Variants in MDGA2 observed in about 807,000 individuals in gnomAD.
The protein encoded by MDGA2 is MAM domain containing glycosylphosphatidylinositol anchor 2.
A neutral mutation model predicts 117.8 loss-of-function variants in MDGA2; 40 were observed. The ratio of observed to expected loss-of-function variants is 0.34; its 90% CI spans 0.26 to 0.44. MDGA2 has a LOEUF of 0.44. Ranked by LOEUF, MDGA2 falls within the 20% of genes least tolerant of loss-of-function variation. The probability of loss-of-function intolerance (pLI) is 1.00; values close to 1 mark genes in which losing one functional copy is unlikely to be tolerated. For synonymous variants in MDGA2, 452 were observed against 439.0 expected, an observed-to-expected ratio of 1.03 and a Z score of -0.37; for missense variants, 1,123 against 1,250.6, an observed-to-expected ratio of 0.90 and a Z score of 1.54.
At chr14:47,051,319 A>G (rs1889450592) in intron 7 of MDGA2, among the ~76,000 whole-genome samples, 1 of 151,928 alleles carries the variant, frequency 6.6e-6, no homozygotes, top group South Asian at 2.1e-4. Flanking sequence ...AAATTGTTTT[A>G]TGAAACAAAT....
chr14:47,500,496 T>G (rs1894377748), intron 1 of MDGA2, among the ~76,000 whole-genome samples: 1 of 152,092 alleles, frequency 6.6e-6, no homozygotes, highest in South Asian at 2.1e-4. Context: ...AAGTTTGTGG[T>G]ATCCAAATAC....
chr14:47,356,958 G>A (rs1350672865), intron 1 of MDGA2, among the ~76,000 whole-genome samples: 4 of 152,150 alleles, frequency 2.6e-5, no homozygotes, highest in African/African-American at 9.7e-5. Context: ...AGCACTCCTC[G>A]AGCTGTGGGA....
chr14:47,675,575 C>T lies in MDGA2; in HGVS notation c.-779G>A, dbSNP rs932945447. On this transcript the variant is annotated 5_prime_UTR_variant, in exon 1 of 17. Coordinates refer to ENST00000399232, the MANE Select transcript of MDGA2 (RefSeq NM_001113498.3). ...AATTCCCGGAGCCGAAAGCAGAGTC[C>T]AGGCACCGCCACTTGCAAGAGAGGG... Among the ~76,000 whole-genome samples, 18 of 152,278 alleles carry T rather than the reference C, an allele frequency of 1.2e-4. No homozygotes were observed. The highest frequency in any genetic ancestry group is 3.8e-4 in the African/African-American group (16 of 41,564).
intron 1 of MDGA2, among the ~76,000 whole-genome samples, chr14:47,455,233 C>T (rs187124627): frequency 5.9e-4 from 90 of 152,138 alleles, no homozygotes; most frequent in African/African-American, 1.9e-3. Flanking sequence ...CAGTCGGGTG[C>T]GGTGGCTCAC....
At chr14:46,965,137 A>C in intron 8 of MDGA2, among the ~76,000 whole-genome samples, 1 of 122,778 alleles carries the variant, frequency 8.1e-6, no homozygotes, top group Admixed American at 9.6e-5. Context: ...GTTAGCCAGG[A>C]TGGTCTCGAT....
intron 1 of MDGA2, among the ~76,000 whole-genome samples, chr14:47,365,490 C>T (rs1233247918): frequency 6.6e-6 from 1 of 152,274 alleles, no homozygotes; most frequent in Non-Finnish European, 1.5e-5. Context: ...TCGTAAGCTA[C>T]TCAGTGGCCA....
At chr14:47,460,255 A>C (rs997722174) in intron 1 of MDGA2, among the ~76,000 whole-genome samples, 1 of 152,144 alleles carries the variant, frequency 6.6e-6, no homozygotes, top group Non-Finnish European at 1.5e-5. Context: ...AATGATGATA[A>C]GTCATAAGTA....
chr14:46,944,481 T>G (rs760941797), intron 9 of MDGA2, among the ~76,000 whole-genome samples: 1 of 151,956 alleles, frequency 6.6e-6, no homozygotes, highest in Non-Finnish European at 1.5e-5. Context: ...ATGATATGCT[T>G]GGATCTGTGG....
At chr14:47,016,885 G>T (rs1888102996) in intron 8 of MDGA2, among the ~76,000 whole-genome samples, 1 of 151,928 alleles carries the variant, frequency 6.6e-6, no homozygotes, top group African/African-American at 2.4e-5. Context: ...ACCTGCAAAA[G>T]CCTCTAAAAC....
chr14:47,108,236 C>A (rs1218520173), intron 5 of MDGA2, among the ~76,000 whole-genome samples: 1 of 152,078 alleles, frequency 6.6e-6, no homozygotes, highest in Non-Finnish European at 1.5e-5. Context: ...GTCCATAACA[C>A]CCCCCAAAAA....
intron 1 of MDGA2, among the ~76,000 whole-genome samples, chr14:47,499,143 C>T (rs1402490345): frequency 6.6e-6 from 1 of 151,962 alleles, no homozygotes; most frequent in Non-Finnish European, 1.5e-5. Context: ...GTATTTCTTC[C>T]TAATTATTTC....
At chr14:46,892,918 G>T (rs1161323204) in intron 10 of MDGA2, among the ~76,000 whole-genome samples, 1 of 151,924 alleles carries the variant, frequency 6.6e-6, no homozygotes, top group Admixed American at 6.6e-5. Flanking sequence ...TATGTAGATT[G>T]GTTCAGCCAT....
chr14:47,237,141 T>C (rs1039635006), intron 2 of MDGA2, among the ~76,000 whole-genome samples: 4 of 152,102 alleles, frequency 2.6e-5, no homozygotes, highest in African/African-American at 9.7e-5. Flanking sequence ...CCAGAGAATC[T>C]AGTGCATTAA....
chr14:47,080,589 C>T (rs1890673444), intron 6 of MDGA2, among the ~76,000 whole-genome samples: 1 of 152,188 alleles, frequency 6.6e-6, no homozygotes, highest in Non-Finnish European at 1.5e-5. Flanking sequence ...TCCTCAAAAC[C>T]ATACCTGAGC....
intron 1 of MDGA2, among the ~76,000 whole-genome samples, chr14:47,509,369 G>A (rs1277519449): frequency 6.6e-6 from 1 of 152,220 alleles, no homozygotes; most frequent in Non-Finnish European, 1.5e-5. Context: ...CCATGAAAGT[G>A]GATCGGATCA....
At chr14:47,472,264 A>G (rs1223592942) in intron 1 of MDGA2, among the ~76,000 whole-genome samples, 1 of 152,162 alleles carries the variant, frequency 6.6e-6, no homozygotes, top group Non-Finnish European at 1.5e-5. Context: ...ATTCTGAGAA[A>G]TGCATCACTA....
intron 1 of MDGA2, among the ~76,000 whole-genome samples, chr14:47,427,258 T>A (rs1892709914): frequency 6.6e-6 from 1 of 152,092 alleles, no homozygotes; most frequent in Non-Finnish European, 1.5e-5. Context: ...GCTCCCTTCC[T>A]CCCACATCCA....
At chr14:47,047,754 A>C (rs1351654315) in intron 7 of MDGA2, among the ~76,000 whole-genome samples, 1 of 151,970 alleles carries the variant, frequency 6.6e-6, no homozygotes, top group African/African-American at 2.4e-5. Context: ...CATACTTATG[A>C]TGTCTCGAGT....
At chr14:46,985,025 G>C (rs1049433946) in intron 8 of MDGA2, among the ~76,000 whole-genome samples, 1 of 151,874 alleles carries the variant, frequency 6.6e-6, no homozygotes, top group Admixed American at 6.6e-5. Flanking sequence ...CTTCAGAAGA[G>C]AATTAGACAG....
Sources: gnomAD v4.1 joint callset for allele counts (sites outside exome capture counted in the v4.1 genomes callset) on GRCh38, gnomAD v4.1.1 for gene constraint, MANE v1.5 for transcripts, NCBI Gene and HGNC (gene_info 2026-07-23, HGNC 2026-07-21) for gene names.